Variants in PREX2 observed in about 807,000 individuals in gnomAD.
PREX2 encodes the protein phosphatidylinositol-3,4,5-trisphosphate dependent Rac exchange factor 2, also known as phosphatidylinositol 3,4,5-trisphosphate-dependent Rac exchanger 2 protein.
PREX2 carries 107 observed loss-of-function variants against 203.2 expected under a neutral mutation model. The observed-to-expected ratio is 0.53, with a 90% CI of 0.45 to 0.62. The LOEUF (loss-of-function observed/expected upper bound fraction) is 0.62. Ranked by LOEUF, PREX2 falls within the 20% of genes least tolerant of loss-of-function variation. The pLI, the probability that PREX2 is intolerant of heterozygous loss-of-function variation, is 0.00. For synonymous variants in PREX2, 672 were observed against 663.6 expected (o/e 1.01, Z -0.19); for missense variants, 1,777 against 1,955.9 (o/e 0.91, Z 1.72).
intron 37 of PREX2, among the ~76,000 whole-genome samples, chr8:68,202,794 T>C (rs1812533331): frequency 6.6e-6 from 1 of 152,096 alleles, no homozygotes; most frequent in Non-Finnish European, 1.5e-5. Context: ...CACTGCACTG[T>C]GGAGGCTGAG....
At chr8:68,229,211 T>C (rs1813118916) in intron 39 of PREX2, among the ~76,000 whole-genome samples, 1 of 152,162 alleles carries the variant, frequency 6.6e-6, no homozygotes, top group Admixed American at 6.5e-5. Context: ...CAGATTTGCA[T>C]TTGGTCAGGA....
At chr8:68,148,167 A>G (rs1367897157) in intron 34 of PREX2, among the ~76,000 whole-genome samples, 1 of 152,150 alleles carries the variant, frequency 6.6e-6, no homozygotes, top group Non-Finnish European at 1.5e-5. Context: ...GAATTGCTTG[A>G]ACCTGGGAGG....
At chr8:67,975,875 T>G (rs2129608991) in intron 1 of PREX2, among the ~76,000 whole-genome samples, 1 of 150,200 alleles carries the variant, frequency 6.7e-6, no homozygotes, top group South Asian at 2.1e-4. Context: ...GGCTAATTTT[T>G]TTTTTTTTTT....
intron 38 of PREX2, among the ~76,000 whole-genome samples, chr8:68,218,022 A>T (rs1344561734): frequency 2.8e-5 from 3 of 107,250 alleles, no homozygotes; most frequent in Non-Finnish European, 5.2e-5. Flanking sequence ...AGGAACAAGT[A>T]AAAGGACATA....
chr8:68,121,891 A>G (rs888591613), intron 30 of PREX2, among the ~76,000 whole-genome samples: 21 of 152,286 alleles, frequency 1.4e-4, no homozygotes, highest in African/African-American at 4.6e-4. Flanking sequence ...AAATGTTAAT[A>G]GTGCTAAGGT....
chr8:68,193,304 C>T (rs572558190), intron 37 of PREX2, among the ~76,000 whole-genome samples: 9 of 152,288 alleles, frequency 5.9e-5, no homozygotes, highest in African/African-American at 2.2e-4. Context: ...GAGACAGCCT[C>T]TTCTTCTATT....
intron 8 of PREX2, among the ~76,000 whole-genome samples, chr8:68,047,707 A>G (rs1248437029): frequency 6.6e-6 from 1 of 151,168 alleles, no homozygotes; most frequent in Non-Finnish European, 1.5e-5. Flanking sequence ...GTGATGGAAA[A>G]TGGAATGGAA....
At chr8:68,105,014 C>A (rs1810365903) in intron 23 of PREX2, 2 of 630,946 alleles carry the variant, frequency 3.2e-6, no homozygotes, top group South Asian at 1.8e-5. Flanking sequence ...TTAATGAGTT[C>A]AGTGTTTCCT....
At position 68,153,504 on chromosome 8, in the gene PREX2, T is replaced by C. The variant is rs144791267; in HGVS notation, c.4232-3818T>C. The stretch of plus-strand genomic sequence containing the variant: ...AAGTAGTAGAAGTAAATAAACTAAA[T>C]ATTCAACCAAGTATGTTGATACTGC... On this transcript the variant is annotated intron_variant, in intron 34 of 39. Transcript: ENST00000288368. 7.9e-3 allele frequency among the ~76,000 whole-genome samples: 1,201 copies of C among 152,318 alleles called. 13 individuals are homozygous for C. Among genetic ancestry groups the C allele is most frequent in the African/African-American group, 0.027 (1,133 of 41,576 alleles).
chr8:68,229,898 A>G (rs1169328210), intron 39 of PREX2, among the ~76,000 whole-genome samples: 1 of 152,228 alleles, frequency 6.6e-6, no homozygotes, highest in Non-Finnish European at 1.5e-5. Flanking sequence ...AATTTGAAGT[A>G]ACACCATATT....
rs909593130 is a variant in PREX2, at chr8:68,236,462, T to C, written c.*5084T>C. The C allele has an allele frequency of 6.6e-6, 1 of 152,192 alleles. No homozygotes were observed. The highest frequency in any genetic ancestry group is 2.4e-5 in the African/African-American group (1 of 41,454). 9.4% of individuals were successfully genotyped at this position (152,192 alleles called of 1,614,324 possible). On this transcript the variant is annotated 3_prime_UTR_variant, in exon 40 of 40. Coordinates refer to ENST00000288368, the MANE Select transcript of PREX2 (RefSeq NM_024870.4). ...GTGTCTCTGTGTGTTATTGATCATC[T>C]GTGTCTTTTGCTTAAAATGGCATTA...
At chr8:67,973,772 C>A (rs1445941034) in intron 1 of PREX2, among the ~76,000 whole-genome samples, 1 of 151,966 alleles carries the variant, frequency 6.6e-6, no homozygotes. Flanking sequence ...CATATTTGGG[C>A]CTGATAGTAA....
intron 35 of PREX2, among the ~76,000 whole-genome samples, chr8:68,191,447 G>T (rs1812292141): frequency 6.6e-6 from 1 of 152,100 alleles, no homozygotes; most frequent in African/African-American, 2.4e-5. Flanking sequence ...TTATGAAGTA[G>T]AAGCTAATGC....
intron 1 of PREX2, among the ~76,000 whole-genome samples, chr8:67,999,674 C>G (rs1175353384): frequency 6.6e-6 from 1 of 152,052 alleles, no homozygotes; most frequent in Non-Finnish European, 1.5e-5. Context: ...AAGAAAACTT[C>G]AGGCGCATAT....
At position 68,026,085 on chromosome 8, in the gene PREX2, C is replaced by T. The variant is rs148490339; in HGVS notation, c.442-1137C>T. Among the ~76,000 whole-genome samples the T allele has an allele frequency of 1.5e-3, 227 of 152,218 alleles. 2 individuals are homozygous for T. The highest frequency in any genetic ancestry group is 0.014 in the Middle Eastern group (4 of 294). On this transcript the variant is annotated intron_variant, in intron 4 of 39. Transcript: ENST00000288368. ...ATAGTTTGAAAGAATATTTTGATAA[C>T]CCGATTGCAGTAGGGAGTGAAACCC...
rs79064649 is a variant in PREX2 at position 68,136,924 on chromosome 8, G to T, written c.3985-1491G>T. Among the ~76,000 whole-genome samples, 360 of 134,518 alleles carry T rather than the reference G, an allele frequency of 2.7e-3. 3 individuals are homozygous for T. Among genetic ancestry groups the T allele is most frequent in the East Asian group, 0.02 (90 of 4,600 alleles). 88.2% of individuals were successfully genotyped at this position (134,518 alleles called of 152,430 possible). On this transcript the variant is annotated intron_variant, in intron 32 of 39. Coordinates refer to ENST00000288368, the MANE Select transcript of PREX2 (RefSeq NM_024870.4). ...GTTACAGCAACTTTTTTTTTTTTTTGAGACAGAGTCTCACTCTGTCACCCA... is the reference window on the plus strand; with the variant it reads ...GTTACAGCAACTTTTTTTTTTTTTTTAGACAGAGTCTCACTCTGTCACCCA...
chr8:68,201,882 G>T (rs1340890279), intron 37 of PREX2, among the ~76,000 whole-genome samples: 1 of 151,256 alleles, frequency 6.6e-6, no homozygotes, highest in East Asian at 2.0e-4. Context: ...TACCCAGGAA[G>T]GGAGTAAGGT....
intron 18 of PREX2, 130 bp downstream of exon 18, chr8:68,083,518 T>C (rs4415294): frequency 0.53 from 299,194 of 566,188 alleles, 79,331 homozygotes; most frequent in South Asian, 0.56. Context: ...ACCGGTATCA[T>C]TAATACTGGT....
At position 68,107,606 on chromosome 8, in the gene PREX2, C is replaced by A. The variant is rs369782321; in HGVS notation, c.2716-503C>A. Among the ~76,000 whole-genome samples, 19 of 152,306 alleles carry A rather than the reference C, an allele frequency of 1.2e-4. No homozygotes were observed. In the South Asian group the frequency reaches 3.9e-3, roughly 32 times the overall value. On this transcript the variant is annotated intron_variant, in intron 23 of 39. Transcript: ENST00000288368. ...GTCCTGCCATTCTGGGCCTCAGCCT[C>A]CACACCCTACTGTCTGACCTGTACA...
Sources: gnomAD v4.1 joint callset for allele counts (sites outside exome capture counted in the v4.1 genomes callset) on GRCh38, gnomAD v4.1.1 for gene constraint, MANE v1.5 for transcripts, NCBI Gene and HGNC (gene_info 2026-07-23, HGNC 2026-07-21) for gene names.